The following PDS5A variants were observed in gnomAD, a reference collection of about 807,000 sequenced individuals.
The protein encoded by PDS5A is sister chromatid cohesion protein PDS5 homolog A.
In PDS5A, 42 loss-of-function variants were observed where a neutral mutation model predicts 167.1. The ratio of observed to expected loss-of-function variants is 0.25; its 90% confidence interval spans 0.20 to 0.33. The LOEUF is 0.33. Ranked by LOEUF, PDS5A falls within the 10% of genes least tolerant of loss-of-function variation. The pLI is 1.00. For missense variants in PDS5A, 1,033 were observed against 1,605.9 expected, an observed-to-expected ratio of 0.64 and a Z score of 6.10; for synonymous variants, 553 against 554.6, an observed-to-expected ratio of 1.00 and a Z score of 0.04.
At chr4:39,903,765 G>A (rs541165403) in intron 12 of PDS5A, among the ~76,000 whole-genome samples, 1 of 152,296 alleles carries the variant, frequency 6.6e-6, no homozygotes, top group East Asian at 1.9e-4. Context: ...ATAAAGGGCA[G>A]AGTGAACATT....
rs879736708 is a variant in PDS5A at position 39,881,013 on chromosome 4, C to CT, written c.1887-1181dup. On this transcript the variant is annotated intron_variant, in intron 17 of 32. Coordinates refer to ENST00000303538, the MANE Select transcript of PDS5A (RefSeq NM_001100399.2). ...CTGTTCTTTGCTTCTGAGAGATCTA[C>CT]TTTTTTTTTTTAGCTTCCACCTACC... Among the ~76,000 whole-genome samples, 970 of 146,712 alleles carry CT rather than the reference C, an allele frequency of 6.6e-3. 6 individuals carry two copies. The highest frequency in any genetic ancestry group is 0.019 in the East Asian group (94 of 5,066).
At position 39,861,469 on chromosome 4, in the gene PDS5A, A is replaced by G. The variant is rs76663069; in HGVS notation, c.3086+750T>C. 7.0e-3 allele frequency among the ~76,000 whole-genome samples: 1,070 copies of G among 152,280 alleles called. 13 individuals are homozygous for G. The highest frequency in any genetic ancestry group is 0.023 in the African/African-American group (973 of 41,570). On this transcript the variant is annotated intron_variant, in intron 26 of 32. Coordinates refer to ENST00000303538, the MANE Select transcript of PDS5A (RefSeq NM_001100399.2). ...CAAGACTCCATCTCGGAAAAAAATA[A>G]AGAGAGAGAGACTGGTTAATGGGTA...
intron 17 of PDS5A, among the ~76,000 whole-genome samples, chr4:39,883,436 C>T (rs1031251890): frequency 6.6e-6 from 1 of 152,230 alleles, no homozygotes; most frequent in Non-Finnish European, 1.5e-5. Flanking sequence ...CCACTTCGGC[C>T]TCCCAAAGTG....
At chr4:39,954,672 A>AAT (rs1472496590) in intron 2 of PDS5A, among the ~76,000 whole-genome samples, 2,760 of 66,514 alleles carry the variant, frequency 0.041, 84 homozygotes, top group Middle Eastern at 0.087. Flanking sequence ...GAGATAAGTA[A>AAT]AAAAAAAAAA....
intron 16 of PDS5A, among the ~76,000 whole-genome samples, chr4:39,895,918 G>A: frequency 6.6e-6 from 1 of 151,566 alleles, no homozygotes; most frequent in East Asian, 1.9e-4. Context: ...TAGAGACGGG[G>A]TCTCACCGTG....
chr4:39,976,336 G>A, intron 2 of PDS5A, 104 bp downstream of exon 2: 1 of 865,446 alleles, frequency 1.2e-6, no homozygotes, highest in Non-Finnish European at 1.8e-6. Flanking sequence ...GGGGGTAAGA[G>A]ATCTAAAAAA....
rs554259461 is a variant in PDS5A at position 39,977,126 on chromosome 4, G to A, written c.-41+331C>T. ...CTTGCCCAGCCGAGCCTCGGACCCGGGGTAGTCCCCGCCGCGCTGCCACCC... is the reference window on the plus strand; with the variant it reads ...CTTGCCCAGCCGAGCCTCGGACCCGAGGTAGTCCCCGCCGCGCTGCCACCC... On this transcript the variant is annotated intron_variant, in intron 1 of 32. Transcript: ENST00000303538. This position sits in a 1 kb window ranked among gnomAD's most constrained non-coding sequence, Gnocchi z 4.2. Among the ~76,000 whole-genome samples the A allele has an allele frequency of 1.4e-3, 212 of 151,944 alleles. No individual in the cohort carries two copies. The highest frequency in any genetic ancestry group is 4.8e-3 in the African/African-American group (200 of 41,452).
intron 2 of PDS5A, among the ~76,000 whole-genome samples, chr4:39,966,014 A>G (rs1007658704): frequency 1.2e-4 from 18 of 152,338 alleles, no homozygotes; most frequent in Admixed American, 1.1e-3. Flanking sequence ...ACAGATAACC[A>G]GAACAGTTCT....
chr4:39,971,968 G>C (rs1189766929), intron 2 of PDS5A, among the ~76,000 whole-genome samples: 2 of 152,146 alleles, frequency 1.3e-5, no homozygotes, highest in East Asian at 1.9e-4. Context: ...AGTCAAAATA[G>C]AAAGGAAGGC....
chr4:39,970,223 T>C (rs1730373423), intron 2 of PDS5A, among the ~76,000 whole-genome samples: 1 of 151,868 alleles, frequency 6.6e-6, no homozygotes, highest in Non-Finnish European at 1.5e-5. Context: ...GGCTATTTAA[T>C]GTAAGGAACC....
At chr4:39,930,274 T>TTTTTTTTTA (rs1725939033) in intron 2 of PDS5A, among the ~76,000 whole-genome samples, 1 of 143,562 alleles carries the variant, frequency 7.0e-6, no homozygotes, top group Admixed American at 7.0e-5. Flanking sequence ...TTTTTTTTTT[T>TTTTTTTTTA]AAGAGACAGG....
At chr4:39,864,062 G>A (rs1229507911) in intron 23 of PDS5A, among the ~76,000 whole-genome samples, 1 of 151,846 alleles carries the variant, frequency 6.6e-6, no homozygotes, top group Non-Finnish European at 1.5e-5. Context: ...CCTGAGAGGT[G>A]GAGGTTGCAG....
intron 17 of PDS5A, among the ~76,000 whole-genome samples, chr4:39,887,939 C>CA (rs1175135314): frequency 4.0e-5 from 6 of 151,844 alleles, no homozygotes; most frequent in Non-Finnish European, 7.4e-5. Context: ...CAAAACCATA[C>CA]AAAAAAATCC....
In PDS5A at chr4:39,844,856, G is replaced by A; in HGVS notation, c.3403-55C>T. On this transcript the variant is annotated intron_variant, in intron 29 of 32. Coordinates refer to ENST00000303538, the MANE Select transcript of PDS5A (RefSeq NM_001100399.2). The stretch of plus-strand genomic sequence containing the variant: ...AACACACACGTTTATACCTTACCAT[G>A]TATACATGTAAATTTAGACACAAGT... 2.0e-6 allele frequency: 3 copies of A among 1,502,346 alleles called. No individual in the cohort carries two copies. In the South Asian group the frequency reaches 4.0e-5, roughly 20 times the overall value. 93.1% of individuals were successfully genotyped at this position (1,502,346 alleles called of 1,614,324 possible).
chr4:39,919,943 TA>T (rs1056957613), intron 7 of PDS5A, among the ~76,000 whole-genome samples: 24 of 124,236 alleles, frequency 1.9e-4, no homozygotes, highest in African/African-American at 4.0e-4. Context: ...AAAAATAAAA[TA>T]AAAAAAAAAG....
chr4:39,955,383 C>A (rs895565543), intron 2 of PDS5A, among the ~76,000 whole-genome samples: 16 of 152,088 alleles, frequency 1.1e-4, no homozygotes, highest in African/African-American at 3.6e-4. Context: ...GGGCAGATCA[C>A]CTGAAATCAG....
In PDS5A at chr4:39,869,433, CCA is replaced by C; in HGVS notation, c.2464_2465del (p.Trp822ValfsTer4). 6.2e-7 allele frequency: 1 copy of C among 1,605,092 alleles called. No homozygotes were observed. Among genetic ancestry groups the C allele is most frequent in the Non-Finnish European group, 8.5e-7 (1 of 1,171,800 alleles). ...RSTGEKNGKL[W>X]SPDEEVSPEV... Reference sequence around the variant, plus strand: ...CAGGGGAAACCTCTTCATCTGGAGACCACAGTTTTCCATTCTTTTCACCTGTT... The same window carrying C: ...CAGGGGAAACCTCTTCATCTGGAGACCAGTTTTCCATTCTTTTCACCTGTT... On this transcript the variant is annotated frameshift_variant, in exon 22 of 33. Coordinates refer to ENST00000303538, the MANE Select transcript of PDS5A (RefSeq NM_001100399.2). LOFTEE classifies it high-confidence loss of function.
chr4:39,954,551 C>T (rs1336546073), intron 2 of PDS5A, among the ~76,000 whole-genome samples: 1 of 151,718 alleles, frequency 6.6e-6, no homozygotes, highest in African/African-American at 2.4e-5. Flanking sequence ...GAACTCCTGA[C>T]CTCAGGTGAT....
chr4:39,887,576 A>T (rs1186747419), intron 17 of PDS5A, among the ~76,000 whole-genome samples: 2 of 152,186 alleles, frequency 1.3e-5, no homozygotes, highest in Non-Finnish European at 2.9e-5. Context: ...ACCCTCTAAA[A>T]AAATCAAATC....
Sources: gnomAD v4.1 joint callset for allele counts (sites outside exome capture counted in the v4.1 genomes callset) on GRCh38, gnomAD v4.1.1 for gene constraint, Gnocchi (gnomAD v3.1) non-coding constraint, MANE v1.5 for transcripts, NCBI Gene and HGNC (gene_info 2026-07-23, HGNC 2026-07-21) for gene names.